GRIK4: variants seen among roughly 807,000 people sequenced by gnomAD.
GRIK4 encodes glutamate ionotropic receptor kainate type subunit 4.
GRIK4 carries 40 observed loss-of-function variants against 104.9 expected under a neutral mutation model. The observed-to-expected ratio is 0.38, with a 90% CI of 0.30 to 0.50. The LOEUF (loss-of-function observed/expected upper bound fraction) is 0.50, where lower values mean the gene tolerates loss of function less well. GRIK4 is among the 20% of genes least tolerant of loss of function. The pLI is 0.93. For missense variants in GRIK4, 1,047 were observed against 1,308.1 expected (o/e 0.80, Z 3.08); for synonymous variants, 485 against 524.9 (o/e 0.92, Z 1.04).
chr11:120,904,094 T>C (rs1379705064), intron 12 of GRIK4, among the ~76,000 whole-genome samples: 1 of 152,130 alleles, frequency 6.6e-6, no homozygotes, highest in Non-Finnish European at 1.5e-5. Flanking sequence ...CCTCTTCTTC[T>C]TCCTCTTCTG....
At chr11:120,822,991 C>T (rs902296558) in intron 6 of GRIK4, among the ~76,000 whole-genome samples, 4 of 152,188 alleles carry the variant, frequency 2.6e-5, no homozygotes, top group Non-Finnish European at 5.9e-5. Context: ...TCCTGTGGTG[C>T]CCTTGGACCA....
chr11:120,854,309 C>A (rs1954049473), intron 8 of GRIK4, among the ~76,000 whole-genome samples: 2 of 152,140 alleles, frequency 1.3e-5, no homozygotes, highest in African/African-American at 4.8e-5. Flanking sequence ...CTTGAAACCC[C>A]ACTGTTAAGG....
intron 1 of GRIK4, among the ~76,000 whole-genome samples, chr11:120,537,758 A>C (rs1017216152): frequency 2.0e-5 from 3 of 152,206 alleles, no homozygotes; most frequent in African/African-American, 7.2e-5. Flanking sequence ...TGCCACCTGC[A>C]AAGTAGATGC....
chr11:120,518,281 C>T (rs552921548), intron 1 of GRIK4, among the ~76,000 whole-genome samples: 58 of 152,176 alleles, frequency 3.8e-4, no homozygotes, highest in Admixed American at 1.3e-3. Flanking sequence ...CCATGACTCT[C>T]GGCAGCTGTG....
rs540466963 is a variant in GRIK4, at chr11:120,572,596, AATC to A, written c.-159+60714_-159+60716del. On this transcript the variant is annotated intron_variant, in intron 1 of 20. Transcript: ENST00000527524. The stretch of plus-strand genomic sequence containing the variant: ...CTCTTTCTCTCCCTCCCGTCTTTAC[AATC>A]ATCACCTCCTAAAGCACTGCCTTTC... Among the ~76,000 whole-genome samples, 909 of 152,266 alleles carry A rather than the reference AATC, an allele frequency of 6.0e-3. 5 individuals carry two copies. Among genetic ancestry groups the A allele is most frequent in the Non-Finnish European group, 9.6e-3 (652 of 68,010 alleles).
intron 1 of GRIK4, among the ~76,000 whole-genome samples, chr11:120,636,666 C>G (rs1172376432): frequency 6.6e-6 from 1 of 152,116 alleles, no homozygotes; most frequent in Non-Finnish European, 1.5e-5. Flanking sequence ...ATGGTGAAAC[C>G]CTGTCTCCAC....
intron 14 of GRIK4, among the ~76,000 whole-genome samples, chr11:120,948,434 G>A (rs747646076): frequency 6.6e-6 from 1 of 152,188 alleles, no homozygotes; most frequent in African/African-American, 2.4e-5. Context: ...AACCTGCAAC[G>A]TGTCTGGTCC....
chr11:120,697,091 C>G (rs903352532), intron 3 of GRIK4, among the ~76,000 whole-genome samples: 1 of 152,194 alleles, frequency 6.6e-6, no homozygotes, highest in Non-Finnish European at 1.5e-5. Context: ...AGCTCTTTTC[C>G]TCTGCCTTCC....
chr11:120,548,547 C>G (rs1948108918), intron 1 of GRIK4, among the ~76,000 whole-genome samples: 1 of 152,120 alleles, frequency 6.6e-6, no homozygotes, highest in Non-Finnish European at 1.5e-5. Flanking sequence ...TCGGTCCCCA[C>G]AGCCTTGCTG....
At chr11:120,594,886 G>T (rs372260094) in intron 1 of GRIK4, among the ~76,000 whole-genome samples, 29 of 152,200 alleles carry the variant, frequency 1.9e-4, no homozygotes, top group African/African-American at 6.8e-4. Context: ...AGAGTGACTC[G>T]TGAAGAGGAG....
In GRIK4 at chr11:120,569,982, G is replaced by T. The variant is rs749823623; in HGVS notation, c.-159+58095G>T. Among the ~76,000 whole-genome samples, 25 of 152,234 alleles carry T rather than the reference G, an allele frequency of 1.6e-4. No individual in the cohort carries two copies. In the Middle Eastern group the frequency reaches 0.02, roughly 124 times the overall value. On this transcript the variant is annotated intron_variant, in intron 1 of 20. Transcript: ENST00000527524. ...ATTAGTTGTGCTTTTTGGGATTAAG[G>T]CCAGGACCCATTTCCATAGCAAAGG...
At chr11:120,866,618 C>A (rs1315920056) in intron 9 of GRIK4, among the ~76,000 whole-genome samples, 1 of 152,194 alleles carries the variant, frequency 6.6e-6, no homozygotes, top group Non-Finnish European at 1.5e-5. Context: ...CTCTGAGGCT[C>A]TCTTGGTGCT....
intron 11 of GRIK4, among the ~76,000 whole-genome samples, chr11:120,891,424 C>G (rs1358368411): frequency 6.6e-6 from 1 of 152,194 alleles, no homozygotes; most frequent in African/African-American, 2.4e-5. Context: ...GGTTTACATC[C>G]CCATCTTGGT....
chr11:120,955,240 C>T (rs1344204767), intron 15 of GRIK4, among the ~76,000 whole-genome samples: 1 of 152,180 alleles, frequency 6.6e-6, no homozygotes, highest in Non-Finnish European at 1.5e-5. Flanking sequence ...TGGGAGCCAA[C>T]AAAGTGGGGC....
intron 1 of GRIK4, chr11:120,619,918 T>C: frequency 2.8e-6 from 1 of 351,008 alleles, no homozygotes. Context: ...CAGTGTATTA[T>C]AATTTATTTT....
chr11:120,946,576 G>A (rs1943866118), intron 14 of GRIK4, among the ~76,000 whole-genome samples: 1 of 152,236 alleles, frequency 6.6e-6, no homozygotes, highest in Admixed American at 6.5e-5. Context: ...GGGTATATGT[G>A]TAAGATGGTG....
intron 1 of GRIK4, among the ~76,000 whole-genome samples, chr11:120,630,766 T>A (rs1337927990): frequency 1.3e-5 from 2 of 152,252 alleles, no homozygotes; most frequent in Admixed American, 6.5e-5. Flanking sequence ...ATGCGGATGT[T>A]GGACAGTGTG....
intron 1 of GRIK4, among the ~76,000 whole-genome samples, chr11:120,519,625 T>C (rs1947772022): frequency 6.6e-6 from 1 of 152,138 alleles, no homozygotes; most frequent in Non-Finnish European, 1.5e-5. Context: ...TAACCTTAAG[T>C]TTATTATACC....
At chr11:120,744,281 A>G (rs1323451271) in intron 3 of GRIK4, among the ~76,000 whole-genome samples, 2 of 152,132 alleles carry the variant, frequency 1.3e-5, no homozygotes, top group Admixed American at 6.5e-5. Context: ...GAATATCTGG[A>G]AACAGTGTGG....
Sources: allele counts gnomAD v4.1 joint callset (sites outside exome capture counted in the v4.1 genomes callset), GRCh38; gene constraint gnomAD v4.1.1; transcripts MANE v1.5; gene names NCBI Gene and HGNC (gene_info 2026-07-23, HGNC 2026-07-21).